PEPD: variants seen among roughly 807,000 people sequenced by gnomAD.
PEPD encodes peptidase D, also known as xaa-Pro dipeptidase.
In PEPD, 53 loss-of-function variants were observed where a neutral mutation model predicts 60.7. The ratio of observed to expected loss-of-function variants is 0.87; its 90% confidence interval spans 0.70 to 1.10. The LOEUF (loss-of-function observed/expected upper bound fraction) is 1.10. PEPD is among the 50% of genes least tolerant of loss of function. The pLI is 0.00. For synonymous variants in PEPD, 267 were observed against 284.1 expected (o/e 0.94, Z 0.60); for missense variants, 711 against 711.9 (o/e 1.00, Z 0.01).
intron 5 of PEPD, among the ~76,000 whole-genome samples, chr19:33,492,888 CTTTTTT>C (rs976314809): frequency 6.6e-6 from 1 of 151,884 alleles, no homozygotes; most frequent in Non-Finnish European, 1.5e-5. Flanking sequence ...TTATTTTTTT[CTTTTTT>C]TGAGACAGGG....
chr19:33,501,492 A>G (rs1173215418), intron 3 of PEPD, among the ~76,000 whole-genome samples: 1 of 152,110 alleles, frequency 6.6e-6, no homozygotes, highest in Non-Finnish European at 1.5e-5. Flanking sequence ...CATCCTGGCT[A>G]ACACGGTGAA....
In PEPD at chr19:33,500,926, C is replaced by A. The variant is rs1217946843; in HGVS notation, c.393+12G>T. 1 of 1,544,066 alleles carries A rather than the reference C, an allele frequency of 6.5e-7. No homozygotes were observed. On this transcript the variant is annotated intron_variant, in intron 4 of 14. Transcript: ENST00000244137. ...AGCCCTGGGCTGCTCAGAGGAGGAGCCGGCTACCCACCTCATCTACGTACT... is the reference window on the plus strand; with the variant it reads ...AGCCCTGGGCTGCTCAGAGGAGGAGACGGCTACCCACCTCATCTACGTACT...
At chr19:33,462,932 T>A in intron 9 of PEPD, 63 bp downstream of exon 9, 1 of 1,013,384 alleles carries the variant, frequency 9.9e-7, no homozygotes, top group Non-Finnish European at 1.6e-6. Context: ...TGTTACTCAC[T>A]CAGGGAACAT....
chr19:33,457,079 C>A (rs1969816893), intron 9 of PEPD, among the ~76,000 whole-genome samples: 1 of 143,688 alleles, frequency 7.0e-6, no homozygotes, highest in Non-Finnish European at 1.5e-5. Flanking sequence ...CATGTGGGCA[C>A]AGGCATCCGA....
chr19:33,462,534 C>A (rs1351689517), intron 9 of PEPD, among the ~76,000 whole-genome samples: 2 of 152,236 alleles, frequency 1.3e-5, no homozygotes, highest in African/African-American at 4.8e-5. Flanking sequence ...CACTGGCTCG[C>A]TGCAGCCCTA....
At chr19:33,397,615 G>A in intron 12 of PEPD, among the ~76,000 whole-genome samples, 1 of 151,562 alleles carries the variant, frequency 6.6e-6, no homozygotes, top group Non-Finnish European at 1.5e-5. Flanking sequence ...GTGTGGGGGG[G>A]CTGCTGGGGG....
At chr19:33,478,724 G>A (rs1970265868) in intron 6 of PEPD, among the ~76,000 whole-genome samples, 1 of 150,504 alleles carries the variant, frequency 6.6e-6, no homozygotes, top group South Asian at 2.2e-4. Context: ...ATCCAGCAAA[G>A]CCATTATTAA....
intron 6 of PEPD, among the ~76,000 whole-genome samples, chr19:33,482,055 C>T (rs1970321864): frequency 6.6e-6 from 1 of 151,162 alleles, no homozygotes; most frequent in Non-Finnish European, 1.5e-5. Flanking sequence ...ACAACAAAAA[C>T]AGAAAAGGAG....
intron 9 of PEPD, among the ~76,000 whole-genome samples, chr19:33,460,786 C>T (rs2896829): frequency 0.4 from 61,537 of 152,002 alleles, 12,973 homozygotes; most frequent in African/African-American, 0.52. Context: ...GAGAGCTTCC[C>T]GGTGCACTCG....
intron 12 of PEPD, 28 bp downstream of exon 12, chr19:33,401,693 C>T (rs910420924): frequency 7.5e-6 from 12 of 1,592,898 alleles, no homozygotes; most frequent in African/African-American, 5.4e-5. Flanking sequence ...ACGTCAGATG[C>T]GCCTCCCCCC....
chr19:33,390,622 G>A (rs1287168747), intron 13 of PEPD, among the ~76,000 whole-genome samples: 3 of 152,188 alleles, frequency 2.0e-5, no homozygotes, highest in South Asian at 2.1e-4. Context: ...CCGCCCAGCC[G>A]AGAGGCCGTA....
rs1204842429 is a variant in PEPD at position 33,411,668 on chromosome 19, T to G, written c.818+4A>C. On this transcript the variant is annotated splice_donor_region_variant and intron_variant, in intron 11 of 14. Transcript: ENST00000244137. The stretch of plus-strand genomic sequence containing the variant: ...ACAGAGCCAGGGCCGCTGGCCCTAC[T>G]TACCACATATCCCCATTCTGGATCG... 6.3e-7 allele frequency: 1 copy of G among 1,579,978 alleles called. No homozygotes were observed. The highest frequency in any genetic ancestry group is 8.7e-7 in the Non-Finnish European group (1 of 1,149,388).
chr19:33,398,362 G>A (rs77134803), intron 12 of PEPD, among the ~76,000 whole-genome samples: 181 of 152,360 alleles, frequency 1.2e-3, no homozygotes, highest in African/African-American at 4.1e-3. Context: ...ACGACTGCCC[G>A]TGGATGTCTG....
intron 12 of PEPD, among the ~76,000 whole-genome samples, chr19:33,398,078 C>T (rs1306235698): frequency 6.6e-6 from 1 of 152,186 alleles, no homozygotes; most frequent in Non-Finnish European, 1.5e-5. Flanking sequence ...AGGGGTAAGA[C>T]AATGGCTTTC....
At chr19:33,448,438 C>A (rs1269827807) in intron 9 of PEPD, among the ~76,000 whole-genome samples, 1 of 151,484 alleles carries the variant, frequency 6.6e-6, no homozygotes, top group Non-Finnish European at 1.5e-5. Flanking sequence ...AGGAAAGGCT[C>A]CTTTAGAGTG....
chr19:33,453,345 A>AAATAAATAAATAAATAAAT (rs1568479483), intron 9 of PEPD, among the ~76,000 whole-genome samples: 3 of 102,774 alleles, frequency 2.9e-5, no homozygotes, highest in African/African-American at 1.6e-4. Flanking sequence ...AATAAATAAA[A>AAATAAATAAATAAATAAAT]AAGCAACAAC....
intron 9 of PEPD, among the ~76,000 whole-genome samples, chr19:33,433,961 T>A (rs535071223): frequency 6.7e-6 from 1 of 148,580 alleles, no homozygotes. Context: ...AATACCCAGA[T>A]TGATGACATC....
chr19:33,399,721 C>A (rs1267042599), intron 12 of PEPD, among the ~76,000 whole-genome samples: 1 of 152,244 alleles, frequency 6.6e-6, no homozygotes, highest in African/African-American at 2.4e-5. Context: ...CAGTCGACCG[C>A]CGAGCCATCA....
chr19:33,468,515 C>T (rs933526001), intron 7 of PEPD, among the ~76,000 whole-genome samples: 4 of 152,222 alleles, frequency 2.6e-5, no homozygotes, highest in Admixed American at 2.0e-4. Flanking sequence ...CCGAGGCAGG[C>T]GAGGATGGCG....
Sources: gnomAD v4.1 joint callset for allele counts (sites outside exome capture counted in the v4.1 genomes callset) on GRCh38, gnomAD v4.1.1 for gene constraint, MANE v1.5 for transcripts, NCBI Gene and HGNC (gene_info 2026-07-23, HGNC 2026-07-21) for gene names.